The following TFB1M variants were observed in gnomAD, a reference collection of about 807,000 sequenced individuals.
TFB1M encodes transcription factor B1, mitochondrial.
In TFB1M, 27 loss-of-function variants were observed where a neutral mutation model predicts 31.1. The ratio of observed to expected loss-of-function variants is 0.87; its 90% CI spans 0.64 to 1.20. The LOEUF (loss-of-function observed/expected upper bound fraction) is 1.20. TFB1M is among the 50% of genes most tolerant of loss of function. The pLI, the probability that TFB1M is intolerant of heterozygous loss-of-function variation, is 0.00. For missense variants in TFB1M, 394 were observed against 418.7 expected, an observed-to-expected ratio of 0.94 and a Z score of 0.51; for synonymous variants, 166 against 151.8, an observed-to-expected ratio of 1.09 and a Z score of -0.69.
At chr6:155,288,014 G>A (rs540567680) in intron 4 of TFB1M, among the ~76,000 whole-genome samples, 16 of 152,062 alleles carry the variant, frequency 1.1e-4, no homozygotes, top group African/African-American at 2.7e-4. Context: ...GCTCTTTCCC[G>A]CTTCACTGCA....
At chr6:155,253,341 G>C (rs1001061832), downstream of TFB1M, 1 of 372,404 alleles carries the variant, frequency 2.7e-6, no homozygotes, top group South Asian at 5.8e-5. Context: ...AAATGTGTTA[G>C]AAGAACAAAG....
In TFB1M at chr6:155,257,190, CAAAA is replaced by C. The variant is rs11455127; in HGVS notation, c.*642_*645del. 4,021 of 544,038 alleles carry C rather than the reference CAAAA, an allele frequency of 7.4e-3. No homozygotes were observed. The highest frequency in any genetic ancestry group is 0.021 in the East Asian group (533 of 24,806). 33.7% of individuals were successfully genotyped at this position (544,038 alleles called of 1,614,324 possible). A position where few individuals can be genotyped will look rare whatever the true frequency, so the allele number is the denominator to read the frequency against. ...TAAACTGGTGGTAAAGTGGAAATTG[CAAAA>C]AAAAAAAAAAAAAAAAACTGTTCAT... On this transcript the variant is annotated 3_prime_UTR_variant, in exon 7 of 7. Coordinates refer to ENST00000367166, the MANE Select transcript of TFB1M (RefSeq NM_016020.4).
intron 1 of TFB1M, chr6:155,313,348 A>C (rs2114824922): frequency 6.6e-6 from 1 of 152,308 alleles, no homozygotes; most frequent in East Asian, 1.9e-4. Context: ...CAAGAAATAA[A>C]ACATTTTATG....
chr6:155,239,346 C>T, the TFB1M span, among the ~76,000 whole-genome samples: 80,448 of 152,062 alleles, frequency 0.53, 21,907 homozygotes, highest in Middle Eastern at 0.6. Context: ...GGCCGAGTAC[C>T]TCCTGTGCTG....
At chr6:155,268,925 A>C (rs888851180) in intron 5 of TFB1M, among the ~76,000 whole-genome samples, 13 of 149,392 alleles carry the variant, frequency 8.7e-5, no homozygotes, top group African/African-American at 3.2e-4. Context: ...CCTCTGCGAG[A>C]AACACCCAAG....
Position 155,292,868 on chromosome 6 carries a change from C to T in TFB1M, c.546+4085G>A, listed in dbSNP as rs183476214. On this transcript the variant is annotated intron_variant, in intron 4 of 6. Transcript: ENST00000367166. Reference sequence around the variant, plus strand: ...TTTTTGAGACAGGGTCTTGCTCTGCCGCCCAGGCTGGAGTGCAGTGACATG... The same window carrying T: ...TTTTTGAGACAGGGTCTTGCTCTGCTGCCCAGGCTGGAGTGCAGTGACATG... Among the ~76,000 whole-genome samples the T allele has an allele frequency of 2.2e-4, 34 of 152,222 alleles. No homozygotes were observed. In the East Asian group the frequency reaches 5.6e-3, roughly 25 times the overall value.
chr6:155,258,166 AC>A, intron 6 of TFB1M, 84 bp from the exon 7 acceptor site: 3 of 1,501,162 alleles, frequency 2.0e-6, no homozygotes, highest in Non-Finnish European at 2.8e-6. Context: ...TCATTTGAAA[AC>A]AACACAACAC....
At chr6:155,244,130 T>C in the TFB1M span, 1 of 1,548,108 alleles carries the variant, frequency 6.5e-7, no homozygotes, top group African/African-American at 1.4e-5. Context: ...TTAGTCTCTG[T>C]TTGCCTTTTA....
chr6:155,288,479 A>G, intron 4 of TFB1M, among the ~76,000 whole-genome samples: 1 of 152,250 alleles, frequency 6.6e-6, no homozygotes, highest in Middle Eastern at 3.2e-3. Flanking sequence ...TAAAGTAAAA[A>G]AGGAGCTTAA....
intron 5 of TFB1M, among the ~76,000 whole-genome samples, chr6:155,261,569 GT>G (rs1384114505): frequency 6.6e-6 from 1 of 152,254 alleles, no homozygotes; most frequent in Non-Finnish European, 1.5e-5. Context: ...GGACAAGAAA[GT>G]GAAAATAAGC....
At chr6:155,299,096 C>T (rs1777312508) in intron 2 of TFB1M, among the ~76,000 whole-genome samples, 1 of 152,064 alleles carries the variant, frequency 6.6e-6, no homozygotes. Context: ...CCTGTCGATG[C>T]CAGTCTCCAC....
At chr6:155,234,620 G>A in the TFB1M span, among the ~76,000 whole-genome samples, 1 of 152,086 alleles carries the variant, frequency 6.6e-6, no homozygotes, top group South Asian at 2.1e-4. Flanking sequence ...GTTCAGGCTG[G>A]TCTTGAACTC....
At chr6:155,298,632 G>A in intron 2 of TFB1M, 47 bp from the exon 3 acceptor site, 1 of 1,286,248 alleles carries the variant, frequency 7.8e-7, no homozygotes, top group Non-Finnish European at 1.1e-6. Context: ...ACTTATGCGA[G>A]TAACAAAACT....
At chr6:155,232,752 G>C in the TFB1M span, 1 of 152,150 alleles carries the variant, frequency 6.6e-6, no homozygotes, top group Non-Finnish European at 1.5e-5. Context: ...AGATCATACT[G>C]CAAAGTGACG....
At chr6:155,297,475 G>A (rs945959057) in intron 3 of TFB1M, among the ~76,000 whole-genome samples, 2 of 152,146 alleles carry the variant, frequency 1.3e-5, no homozygotes, top group African/African-American at 2.4e-5. Context: ...GCCCAGGAAG[G>A]GGGTACAGGC....
chr6:155,312,916 G>A (rs1468154814), intron 1 of TFB1M, among the ~76,000 whole-genome samples: 1 of 152,010 alleles, frequency 6.6e-6, no homozygotes, highest in Non-Finnish European at 1.5e-5. Context: ...TTTAGAGTGG[G>A]CAATCTTTTA....
intron 5 of TFB1M, chr6:155,276,237 T>C: frequency 6.2e-7 from 1 of 1,614,162 alleles, no homozygotes; most frequent in East Asian, 2.2e-5. Flanking sequence ...TCTGCAATGC[T>C]GTTGTTTATC....
intron 4 of TFB1M, among the ~76,000 whole-genome samples, chr6:155,293,342 T>C (rs1777018119): frequency 6.6e-6 from 1 of 152,228 alleles, no homozygotes; most frequent in Non-Finnish European, 1.5e-5. Flanking sequence ...CATTATCAGA[T>C]ACTGCTAAGG....
downstream of TFB1M, chr6:155,254,170 C>A: frequency 8.3e-7 from 1 of 1,206,866 alleles, no homozygotes; most frequent in Non-Finnish European, 1.2e-6. Context: ...CAGGGTCATA[C>A]TCCCCACCCT....
Sources: allele counts gnomAD v4.1 joint callset (sites outside exome capture counted in the v4.1 genomes callset), GRCh38; gene constraint gnomAD v4.1.1; transcripts MANE v1.5; gene names NCBI Gene and HGNC (gene_info 2026-07-23, HGNC 2026-07-21).